The following RIC1 variants were observed in gnomAD, a reference collection of about 807,000 sequenced individuals.
RIC1 encodes the protein guanine nucleotide exchange factor subunit RIC1.
In RIC1, 88 loss-of-function variants were observed where a neutral mutation model predicts 169.0. The ratio of observed to expected loss-of-function variants is 0.52; its 90% CI spans 0.44 to 0.62. The LOEUF (loss-of-function observed/expected upper bound fraction) is 0.62. Ranked by LOEUF, RIC1 falls within the 20% of genes least tolerant of loss-of-function variation. RIC1 has a pLI of 0.00. For missense variants in RIC1, 1,877 were observed against 1,725.5 expected (o/e 1.09, Z -1.56); for synonymous variants, 790 against 601.5 (o/e 1.31, Z -4.59).
Position 5,705,782 on chromosome 9 carries a change from C to G in RIC1, c.333-8114C>G, listed in dbSNP as rs76397060. ...GTAAGATGTTAGCTGTGCGCTTTAT[C>G]ATATATGTCCTTTATCATTTTGAAG... On this transcript the variant is annotated intron_variant, in intron 3 of 25. Transcript: ENST00000414202. Among the ~76,000 whole-genome samples the G allele has an allele frequency of 2.0e-3, 310 of 152,308 alleles. 2 individuals are homozygous for G. Among genetic ancestry groups the G allele is most frequent in the African/African-American group, 7.2e-3 (301 of 41,572 alleles).
intron 17 of RIC1, among the ~76,000 whole-genome samples, chr9:5,760,024 G>T (rs919955998): frequency 6.6e-6 from 1 of 152,194 alleles, no homozygotes; most frequent in South Asian, 2.1e-4. Context: ...GGCTAGAGCA[G>T]ATTAAGAAGT....
chr9:5,635,633 C>T (rs979816039), intron 1 of RIC1, among the ~76,000 whole-genome samples: 3 of 152,094 alleles, frequency 2.0e-5, no homozygotes, highest in African/African-American at 7.2e-5. Flanking sequence ...CTCTATTTCC[C>T]CACCCAAATT....
chr9:5,687,714 C>A (rs998623411), intron 2 of RIC1, among the ~76,000 whole-genome samples: 1 of 151,988 alleles, frequency 6.6e-6, no homozygotes, highest in Non-Finnish European at 1.5e-5. Flanking sequence ...CGGTATAAAC[C>A]CCAGCATACA....
intron 23 of RIC1, among the ~76,000 whole-genome samples, chr9:5,772,011 C>CA (rs1827255938): frequency 6.6e-6 from 1 of 152,136 alleles, no homozygotes; most frequent in South Asian, 2.1e-4. Context: ...TTGGTACCAT[C>CA]AAATATCCAT....
intron 6 of RIC1, among the ~76,000 whole-genome samples, chr9:5,721,020 G>C (rs768734887): frequency 1.3e-4 from 19 of 151,970 alleles, no homozygotes; most frequent in Non-Finnish European, 2.4e-4. Flanking sequence ...TGGTTATTTT[G>C]ATTTTTAATC....
At position 5,769,179 on chromosome 9, in the gene RIC1, A is replaced by G. The variant is rs1165178428; in HGVS notation, c.3347A>G (p.Lys1116Arg). The part of the protein sequence containing the change: ...NFVIALKRLH[K>R]DFLWPLPIIP... ...GTAATAGCCCTGAAGAGACTCCACA[A>G]AGATTTCCTGTGGCCACTTCCAATC... The change falls in exon 22 of 26, where the codon AAA becomes AGA. Residue 1116 changes from lysine (K) to arginine (R), a missense_variant. Coordinates refer to ENST00000414202, the MANE Select transcript of RIC1 (RefSeq NM_020829.4). 31 of 1,614,004 alleles carry G rather than the reference A, an allele frequency of 1.9e-5. No individual in the cohort carries two copies. Among genetic ancestry groups the G allele is most frequent in the African/African-American group, 5.3e-5 (4 of 74,926 alleles).
chr9:5,756,562 C>T (rs1826030505), intron 16 of RIC1, among the ~76,000 whole-genome samples, 190 bp downstream of exon 16: 1 of 151,956 alleles, frequency 6.6e-6, no homozygotes, highest in Non-Finnish European at 1.5e-5. Context: ...ATATCGTACA[C>T]TAACTTCTTT....
chr9:5,730,572 G>T (rs1824310999), intron 6 of RIC1, among the ~76,000 whole-genome samples: 2 of 152,154 alleles, frequency 1.3e-5, no homozygotes, highest in Admixed American at 1.3e-4. Context: ...TTAAAAGAAA[G>T]AAGGAGGTGA....
chr9:5,710,593 C>T (rs1822870387), intron 3 of RIC1, among the ~76,000 whole-genome samples: 1 of 152,104 alleles, frequency 6.6e-6, no homozygotes, highest in Non-Finnish European at 1.5e-5. Context: ...AAAATAAGAA[C>T]AAAGGACTAA....
In RIC1 at chr9:5,765,734, G is replaced by C. The variant is rs768048943; in HGVS notation, c.3073G>C (p.Val1025Leu). 10 of 1,614,016 alleles carry C rather than the reference G, an allele frequency of 6.2e-6. No individual in the cohort carries two copies. Among genetic ancestry groups the C allele is most frequent in the Non-Finnish European group, 8.5e-6 (10 of 1,179,974 alleles). The change falls in exon 21 of 26, where the codon GTT (valine) becomes CTT (leucine). Residue 1025 changes from valine (V) to leucine (L), a missense_variant. Val to Leu is a conservative substitution (Grantham distance 32). Transcript: ENST00000414202. ...SISLSQSAEN[V>L]PASKFSLQKT... Reference sequence around the variant, plus strand: ...CAGTTTATCCCAGTCAGCTGAAAATGTTCCTGCCAGTAAATTCAGTTTACA... The same window carrying C: ...CAGTTTATCCCAGTCAGCTGAAAATCTTCCTGCCAGTAAATTCAGTTTACA...
chr9:5,666,091 G>A (rs1176864971), intron 2 of RIC1, among the ~76,000 whole-genome samples: 1 of 152,138 alleles, frequency 6.6e-6, no homozygotes, highest in Non-Finnish European at 1.5e-5. Flanking sequence ...CGTCCTGGGG[G>A]GAAATTAGAG....
chr9:5,655,848 A>G (rs1458746115), intron 1 of RIC1, among the ~76,000 whole-genome samples: 1 of 151,646 alleles, frequency 6.6e-6, no homozygotes, highest in African/African-American at 2.4e-5. Flanking sequence ...TGTTCATAAG[A>G]GATGTTGATC....
Position 5,743,717 on chromosome 9 carries a change from C to T in RIC1, c.1075C>T (p.Pro359Ser), listed in dbSNP as rs556847861. The part of the protein sequence containing the change: ...AYRSDGTKKD[P>S]LKINSMSWGA... ...TAGGTCTGATGGCACCAAAAAAGATCCCCTTAAGATCAACTCTATGGTAAG... is the reference window on the plus strand; with the variant it reads ...TAGGTCTGATGGCACCAAAAAAGATTCCCTTAAGATCAACTCTATGGTAAG... Residue 359 changes from proline (P) to serine (S), a missense_variant, in exon 10 of 26, where the codon CCC becomes TCC. Pro to Ser is a moderately conservative substitution (Grantham distance 74). Coordinates refer to ENST00000414202, the MANE Select transcript of RIC1 (RefSeq NM_020829.4). The T allele has an allele frequency of 8.7e-5, 140 of 1,610,318 alleles. 1 individual carries two copies. In the South Asian group the frequency reaches 1.5e-3, roughly 17 times the overall value.
chr9:5,777,579 TC>T (rs1416765669), downstream of RIC1, among the ~76,000 whole-genome samples: 1 of 152,112 alleles, frequency 6.6e-6, no homozygotes, highest in African/African-American at 2.4e-5. Flanking sequence ...TTGTGCCTAA[TC>T]CAGGGTTATG....
intron 4 of RIC1, among the ~76,000 whole-genome samples, chr9:5,718,613 G>C (rs758270750): frequency 1.3e-5 from 2 of 152,136 alleles, no homozygotes; most frequent in South Asian, 2.1e-4. Flanking sequence ...CAACAGCTTA[G>C]ATTTTGAATT....
At chr9:5,681,758 T>G (rs1820855569) in intron 2 of RIC1, among the ~76,000 whole-genome samples, 1 of 152,150 alleles carries the variant, frequency 6.6e-6, no homozygotes, top group South Asian at 2.1e-4. Context: ...AAGTCTCCCA[T>G]TATTATTGTG....
intron 6 of RIC1, among the ~76,000 whole-genome samples, chr9:5,721,856 A>G (rs1823608459): frequency 1.3e-5 from 2 of 150,106 alleles, no homozygotes; most frequent in African/African-American, 2.5e-5. Context: ...TTTCAAACAT[A>G]TTAGCTGTTC....
chr9:5,698,148 C>T (rs1822012979), intron 3 of RIC1, among the ~76,000 whole-genome samples: 2 of 152,200 alleles, frequency 1.3e-5, no homozygotes, highest in African/African-American at 4.8e-5. Flanking sequence ...TTGGTATCTC[C>T]TGCACAGAAG....
At chr9:5,676,545 G>C (rs767689413) in intron 2 of RIC1, among the ~76,000 whole-genome samples, 1 of 152,096 alleles carries the variant, frequency 6.6e-6, no homozygotes, top group Admixed American at 6.5e-5. Context: ...ACCTGCTCAA[G>C]AATACATGGC....
Sources: allele counts gnomAD v4.1 joint callset (sites outside exome capture counted in the v4.1 genomes callset), GRCh38; gene constraint gnomAD v4.1.1; transcripts MANE v1.5; gene names NCBI Gene and HGNC (gene_info 2026-07-23, HGNC 2026-07-21).